The following NEXMIF variants were observed in gnomAD, a reference collection of about 807,000 sequenced individuals.
The protein encoded by NEXMIF is XLMR protein related to neurite extension.
A neutral mutation model predicts 62.1 loss-of-function variants in NEXMIF; 8 were observed. The ratio of observed to expected loss-of-function variants is 0.13; its 90% confidence interval spans 0.08 to 0.23. NEXMIF has a LOEUF of 0.23. NEXMIF is among the 10% of genes least tolerant of loss of function. The pLI, the probability that NEXMIF is intolerant of heterozygous loss-of-function variation, is 1.00. For synonymous variants in NEXMIF, 404 were observed against 416.6 expected, an observed-to-expected ratio of 0.97 and a Z score of 0.37; for missense variants, 976 against 1,113.3, an observed-to-expected ratio of 0.88 and a Z score of 1.75.
At chrX:74,893,735 A>G (rs2080724616) in intron 1 of NEXMIF, among the ~76,000 whole-genome samples, 1 of 112,165 alleles carries the variant, frequency 8.9e-6, no homozygotes, top group African/African-American at 3.2e-5. Flanking sequence ...TATTGGAATC[A>G]TAAGACGCTT....
chrX:74,760,491 T>C, intron 1 of NEXMIF, among the ~76,000 whole-genome samples: 1 of 112,203 alleles, frequency 8.9e-6, no homozygotes, highest in East Asian at 2.8e-4. Context: ...TGCTTCCAGC[T>C]TTTGCCCATT....
intron 1 of NEXMIF, among the ~76,000 whole-genome samples, chrX:74,873,388 CATT>C (rs1331752239): frequency 2.7e-5 from 3 of 112,006 alleles, no homozygotes; most frequent in Non-Finnish European, 5.6e-5. Context: ...TCCAGTCTAT[CATT>C]GTTGGATGTT....
intron 1 of NEXMIF, among the ~76,000 whole-genome samples, chrX:74,772,685 A>T (rs181576258): frequency 7.1e-5 from 8 of 112,624 alleles, no homozygotes; most frequent in African/African-American, 2.6e-4. Context: ...AGACCTTGAT[A>T]TGATATCTTT....
rs2080097289 is a variant in NEXMIF, at chrX:74,740,186, C to T, written c.4371G>A (p.Leu1457=). The stretch of plus-strand genomic sequence containing the variant: ...GCTTTCCCTTACATTTCTCATCTCT[C>T]AGGGCCTTGGAGCTGGATTTGTGAC... ...LYRHKSSSKA[L]RDEKCKGKHM... Residue 1457 remains leucine (L), a synonymous_variant, in exon 3 of 4, where the codon CTG becomes CTA. Coordinates refer to ENST00000055682, the MANE Select transcript of NEXMIF (RefSeq NM_001008537.3). 1 of 1,208,834 alleles carries T rather than the reference C, an allele frequency of 8.3e-7. No individual in the cohort carries two copies. The highest frequency in any genetic ancestry group is 1.8e-5 in the African/African-American group (1 of 56,915).
intron 1 of NEXMIF, among the ~76,000 whole-genome samples, chrX:74,922,730 A>G (rs946850175): frequency 1.8e-5 from 2 of 111,596 alleles, no homozygotes; most frequent in Non-Finnish European, 3.8e-5. Context: ...ATATATGTAC[A>G]ATGTATTTTT....
intron 1 of NEXMIF, among the ~76,000 whole-genome samples, chrX:74,777,048 G>C (rs934532918): frequency 9.0e-6 from 1 of 111,657 alleles, no homozygotes; most frequent in Non-Finnish European, 1.9e-5. Context: ...ACACTAAGTT[G>C]ACCTATCCCC....
chrX:74,788,823 T>C (rs755632080), intron 1 of NEXMIF, among the ~76,000 whole-genome samples: 2 of 110,594 alleles, frequency 1.8e-5, no homozygotes, highest in East Asian at 2.8e-4. Flanking sequence ...GGTAGAGTGA[T>C]ATAATTTTCA....
At chrX:74,817,846 G>T (rs1189549030) in intron 1 of NEXMIF, among the ~76,000 whole-genome samples, 2 of 110,708 alleles carry the variant, frequency 1.8e-5, no homozygotes, top group African/African-American at 6.6e-5. Flanking sequence ...CTTTCAGTCT[G>T]CCATGCTTCA....
chrX:74,759,296 C>T (rs914713740), intron 1 of NEXMIF, among the ~76,000 whole-genome samples: 2 of 111,980 alleles, frequency 1.8e-5, no homozygotes, highest in African/African-American at 3.2e-5. Flanking sequence ...AGACCTTTGT[C>T]GAATGCATAG....
intron 1 of NEXMIF, among the ~76,000 whole-genome samples, chrX:74,801,755 T>A (rs759945881): frequency 8.9e-6 from 1 of 112,480 alleles, no homozygotes; most frequent in Admixed American, 9.3e-5. Flanking sequence ...TCAAGCCAAC[T>A]ATCAGGGTCC....
intron 1 of NEXMIF, among the ~76,000 whole-genome samples, chrX:74,756,615 T>G (rs1172634361): frequency 9.0e-6 from 1 of 111,513 alleles, no homozygotes; most frequent in Non-Finnish European, 1.9e-5. Flanking sequence ...ATGTTGCCAT[T>G]CTAGTTAGAA....
chrX:74,780,502 G>A (rs1260026811), intron 1 of NEXMIF, among the ~76,000 whole-genome samples: 1 of 108,345 alleles, frequency 9.2e-6, no homozygotes. Flanking sequence ...AGTCCCTCCC[G>A]GGACTACAGG....
chrX:74,850,284 C>T (rs2080508258), intron 1 of NEXMIF, among the ~76,000 whole-genome samples: 1 of 112,209 alleles, frequency 8.9e-6, no homozygotes. Flanking sequence ...AACACCAGCA[C>T]AAACCATTTT....
chrX:74,821,100 C>T (rs1327297703), intron 1 of NEXMIF, among the ~76,000 whole-genome samples: 1 of 109,572 alleles, frequency 9.1e-6, no homozygotes, highest in African/African-American at 3.3e-5. Context: ...GGCTGCTGTC[C>T]AGAAAAAAAA....
chrX:74,846,899 G>A (rs746470545), intron 1 of NEXMIF, among the ~76,000 whole-genome samples: 3 of 112,025 alleles, frequency 2.7e-5, no homozygotes, highest in Non-Finnish European at 5.6e-5. Flanking sequence ...AGGATCCCAT[G>A]CTGGGTGAAG....
In NEXMIF at chrX:74,738,047, C is replaced by A. The variant is rs993530256; in HGVS notation, c.*1358G>T. 1.8e-5 allele frequency: 2 copies of A among 111,058 alleles called. No individual in the cohort carries two copies. The highest frequency in any genetic ancestry group is 6.6e-5 in the African/African-American group (2 of 30,521). 9.2% of individuals were successfully genotyped at this position (111,058 alleles called of 1,213,427 possible). The stretch of plus-strand genomic sequence containing the variant: ...CTTCAATTGTGCAAAGAAAAGAGAT[C>A]AAATGTTAGAAGTCAAGTGGTGAAT... On this transcript the variant is annotated 3_prime_UTR_variant, in exon 4 of 4. Transcript: ENST00000055682.
intron 1 of NEXMIF, among the ~76,000 whole-genome samples, chrX:74,882,524 T>C (rs2080669458): frequency 8.9e-6 from 1 of 112,063 alleles, no homozygotes; most frequent in East Asian, 2.8e-4. Context: ...CGGAGGGTCC[T>C]ACGCCCACGG....
chrX:74,787,269 C>T (rs769605534), intron 1 of NEXMIF, among the ~76,000 whole-genome samples: 2 of 96,040 alleles, frequency 2.1e-5, no homozygotes. Flanking sequence ...GGCGACAGAG[C>T]GAGATTCCAT....
At chrX:74,829,581 G>A (rs770385044) in intron 1 of NEXMIF, among the ~76,000 whole-genome samples, 5 of 111,836 alleles carry the variant, frequency 4.5e-5, no homozygotes, top group Non-Finnish European at 3.8e-5. Context: ...CAGTGGAATT[G>A]CTGGATCATA....
Sources: allele counts gnomAD v4.1 joint callset (sites outside exome capture counted in the v4.1 genomes callset), GRCh38; gene constraint gnomAD v4.1.1; transcripts MANE v1.5; gene names NCBI Gene and HGNC (gene_info 2026-07-23, HGNC 2026-07-21).